Variants in TNFAIP8 observed in about 807,000 individuals in gnomAD.
TNFAIP8 encodes the protein tumor necrosis factor alpha-induced protein 8.
A neutral mutation model predicts 13.3 loss-of-function variants in TNFAIP8; 7 were observed. The observed-to-expected ratio is 0.52, with a 90% CI of 0.30 to 0.99. TNFAIP8 has a LOEUF of 0.99. TNFAIP8 is among the 50% of genes least tolerant of loss of function. The probability of loss-of-function intolerance (pLI) is 0.07; values close to 1 mark genes in which losing one functional copy is unlikely to be tolerated. For missense variants in TNFAIP8, 258 were observed against 236.9 expected, an observed-to-expected ratio of 1.09 and a Z score of -0.58; for synonymous variants, 94 against 87.6, an observed-to-expected ratio of 1.07 and a Z score of -0.41.
intron 1 of TNFAIP8, among the ~76,000 whole-genome samples, chr5:119,338,292 G>C (rs751112441): frequency 6.6e-6 from 1 of 151,966 alleles, no homozygotes; most frequent in Non-Finnish European, 1.5e-5. Flanking sequence ...GTATGACAAG[G>C]ATATTCTCAC....
chr5:119,373,267 A>T (rs139164534), intron 1 of TNFAIP8, among the ~76,000 whole-genome samples: 11 of 152,268 alleles, frequency 7.2e-5, no homozygotes, highest in African/African-American at 2.6e-4. Context: ...CCAATAGTAA[A>T]ATTACTCTTA....
At chr5:119,341,687 A>T (rs895168763) in intron 1 of TNFAIP8, among the ~76,000 whole-genome samples, 8 of 152,252 alleles carry the variant, frequency 5.3e-5, no homozygotes, top group Admixed American at 2.0e-4. Flanking sequence ...AAAAGAAATC[A>T]TATCTTCACG....
chr5:119,349,876 C>A (rs1265856455), intron 1 of TNFAIP8, among the ~76,000 whole-genome samples: 1 of 152,216 alleles, frequency 6.6e-6, no homozygotes, highest in Non-Finnish European at 1.5e-5. Flanking sequence ...TGAGTTACTC[C>A]TCTGCAAAAT....
In TNFAIP8 at chr5:119,284,282, G is replaced by A. The variant is rs75920651; in HGVS notation, c.1+15375G>A. ...GCCAGCTTGCAGGGGCTTGCTGGAGGGCAGTAACAGAGCTGGGTTCCAGAG... is the reference window on the plus strand; with the variant it reads ...GCCAGCTTGCAGGGGCTTGCTGGAGAGCAGTAACAGAGCTGGGTTCCAGAG... On this transcript the variant is annotated intron_variant, in intron 1 of 1. Transcript: ENST00000274456. 9.7e-3 allele frequency among the ~76,000 whole-genome samples: 1,482 copies of A among 152,208 alleles called. 20 individuals carry two copies. The highest frequency in any genetic ancestry group is 0.036 in the South Asian group (176 of 4,822).
intron 1 of TNFAIP8, among the ~76,000 whole-genome samples, chr5:119,274,874 A>T (rs547897226): frequency 3.9e-5 from 6 of 152,320 alleles, no homozygotes; most frequent in African/African-American, 1.4e-4. Context: ...TGTGAACCTG[A>T]CTGTTAAGTC....
At chr5:119,298,174 G>A (rs56840858) in intron 1 of TNFAIP8, among the ~76,000 whole-genome samples, 9,779 of 151,878 alleles carry the variant, frequency 0.064, 718 homozygotes, top group African/African-American at 0.18. Flanking sequence ...TATTTTGCTC[G>A]TTAGTTGATG....
intron 1 of TNFAIP8, among the ~76,000 whole-genome samples, chr5:119,280,767 A>T (rs963597330): frequency 6.6e-6 from 1 of 152,146 alleles, no homozygotes; most frequent in African/African-American, 2.4e-5. Context: ...ATAAGGATAG[A>T]CGCCTTTTCA....
chr5:119,287,268 G>A (rs958399195), intron 1 of TNFAIP8, among the ~76,000 whole-genome samples: 1 of 142,242 alleles, frequency 7.0e-6, no homozygotes, highest in Non-Finnish European at 1.5e-5. Flanking sequence ...GCTTCCAGGG[G>A]ACAGTAACCA....
intron 1 of TNFAIP8, among the ~76,000 whole-genome samples, chr5:119,298,308 A>T (rs1428605090): frequency 6.6e-6 from 1 of 151,984 alleles, no homozygotes; most frequent in Non-Finnish European, 1.5e-5. Flanking sequence ...CCTGGTGGTG[A>T]CAAAATCTCT....
chr5:119,379,298 A>G (rs1473727079), intron 1 of TNFAIP8, among the ~76,000 whole-genome samples: 1 of 152,112 alleles, frequency 6.6e-6, no homozygotes, highest in African/African-American at 2.4e-5. Context: ...CACTTTGAAC[A>G]ATACAGAGAT....
intron 1 of TNFAIP8, among the ~76,000 whole-genome samples, chr5:119,292,049 G>A (rs1488699502): frequency 6.6e-6 from 1 of 152,172 alleles, no homozygotes; most frequent in Non-Finnish European, 1.5e-5. Flanking sequence ...GACCGGAAGC[G>A]ATTGATTTGC....
intron 1 of TNFAIP8, among the ~76,000 whole-genome samples, 186 bp downstream of exon 1, chr5:119,356,307 C>G (rs1581638740): frequency 6.6e-6 from 1 of 152,176 alleles, no homozygotes; most frequent in South Asian, 2.1e-4. Flanking sequence ...TCCCTTCTCC[C>G]CCCGCAGCCG....
At chr5:119,303,575 C>T (rs1394631) in intron 1 of TNFAIP8, among the ~76,000 whole-genome samples, 30,293 of 151,930 alleles carry the variant, frequency 0.2, 3,513 homozygotes, top group East Asian at 0.43. Flanking sequence ...TGTAGTAGAT[C>T]CAAAAAGATG....
intron 1 of TNFAIP8, among the ~76,000 whole-genome samples, chr5:119,381,588 C>G (rs2112840464): frequency 6.6e-6 from 1 of 151,860 alleles, no homozygotes; most frequent in Middle Eastern, 3.4e-3. Context: ...GACTATATAC[C>G]ACAGTATAGA....
chr5:119,307,944 TA>T (rs1231030959), intron 1 of TNFAIP8, among the ~76,000 whole-genome samples: 2 of 152,188 alleles, frequency 1.3e-5, no homozygotes, highest in Non-Finnish European at 1.5e-5. Flanking sequence ...ACATGTGATT[TA>T]AAAGCCAGCC....
At chr5:119,277,678 G>A (rs117284484) in intron 1 of TNFAIP8, among the ~76,000 whole-genome samples, 1 of 152,282 alleles carries the variant, frequency 6.6e-6, no homozygotes, top group East Asian at 1.9e-4. Context: ...GTGTTTCTTA[G>A]TCTGTTTGTA....
intron 1 of TNFAIP8, among the ~76,000 whole-genome samples, chr5:119,308,451 G>T (rs1581592272): frequency 7.0e-6 from 1 of 143,714 alleles, no homozygotes; most frequent in African/African-American, 2.6e-5. Context: ...TGTAGGCTGT[G>T]CCTTCCTGCC....
chr5:119,355,893 G>A, upstream of TNFAIP8: 2 of 1,210,316 alleles, frequency 1.7e-6, no homozygotes, highest in Non-Finnish European at 2.1e-6. Flanking sequence ...GCTGACACGC[G>A]ATTCGTCACT....
At chr5:119,365,759 A>T (rs146433245) in intron 1 of TNFAIP8, among the ~76,000 whole-genome samples, 2 of 152,352 alleles carry the variant, frequency 1.3e-5, no homozygotes, top group South Asian at 4.1e-4. Context: ...GTTATGAAAT[A>T]TCTAGAATGA....
Sources: allele counts gnomAD v4.1 joint callset (sites outside exome capture counted in the v4.1 genomes callset), GRCh38; gene constraint gnomAD v4.1.1; transcripts MANE v1.5; gene names NCBI Gene and HGNC (gene_info 2026-07-23, HGNC 2026-07-21).